LRRC4C: variants seen among roughly 807,000 people sequenced by gnomAD.
LRRC4C encodes the protein leucine rich repeat containing 4C.
In LRRC4C, 5 loss-of-function variants were observed where a neutral mutation model predicts 33.6. That is an observed-to-expected ratio of 0.15 (90% CI 0.08 to 0.31). The LOEUF is 0.31. Ranked by LOEUF, LRRC4C falls within the 10% of genes least tolerant of loss-of-function variation. LRRC4C has a pLI of 1.00. For missense variants in LRRC4C, 560 were observed against 796.7 expected (o/e 0.70, Z 3.58); for synonymous variants, 329 against 302.0 (o/e 1.09, Z -0.93).
intron 5 of LRRC4C, among the ~76,000 whole-genome samples, chr11:40,144,617 T>C (rs563361836): frequency 4.6e-5 from 7 of 152,144 alleles, no homozygotes; most frequent in Non-Finnish European, 8.8e-5. Context: ...ATTTGAAAAA[T>C]TGTTTCATGT....
chr11:41,235,989 G>C (rs993705084), intron 1 of LRRC4C, among the ~76,000 whole-genome samples: 2 of 152,024 alleles, frequency 1.3e-5, no homozygotes, highest in South Asian at 2.1e-4. Flanking sequence ...CATTTTTCAG[G>C]CTTCCCTAGA....
chr11:40,416,364 T>C (rs571010926), intron 3 of LRRC4C, among the ~76,000 whole-genome samples: 104 of 151,948 alleles, frequency 6.8e-4, no homozygotes, highest in Non-Finnish European at 1.3e-3. Flanking sequence ...CAGTAGGGGA[T>C]CAAGATGGGG....
intron 5 of LRRC4C, among the ~76,000 whole-genome samples, chr11:40,220,144 A>G (rs1364077091): frequency 1.3e-5 from 2 of 152,210 alleles, no homozygotes; most frequent in Admixed American, 1.3e-4. Context: ...TTTGTTGCTT[A>G]TAATTGTCCA....
At chr11:41,249,923 A>G (rs904107974) in intron 1 of LRRC4C, among the ~76,000 whole-genome samples, 2 of 152,106 alleles carry the variant, frequency 1.3e-5, no homozygotes, top group African/African-American at 2.4e-5. Context: ...TTGAGTGCAT[A>G]GAATAGTGCC....
At chr11:40,150,988 A>G (rs1031002244) in intron 5 of LRRC4C, among the ~76,000 whole-genome samples, 14 of 152,304 alleles carry the variant, frequency 9.2e-5, no homozygotes, top group African/African-American at 2.2e-4. Context: ...CCTAAATGTC[A>G]TCTGCTTCTG....
At chr11:40,745,580 T>C (rs990947058) in intron 2 of LRRC4C, among the ~76,000 whole-genome samples, 14 of 152,176 alleles carry the variant, frequency 9.2e-5, no homozygotes, top group African/African-American at 3.4e-4. Context: ...TTGAACTATA[T>C]AGAAGGGAAT....
At chr11:41,158,115 C>T (rs1402218670) in intron 1 of LRRC4C, among the ~76,000 whole-genome samples, 1 of 151,964 alleles carries the variant, frequency 6.6e-6, no homozygotes, top group African/African-American at 2.4e-5. Flanking sequence ...ACTTTTATTC[C>T]CACAATAAGC....
chr11:41,450,580 G>A (rs1955985955), intron 1 of LRRC4C, among the ~76,000 whole-genome samples: 1 of 152,092 alleles, frequency 6.6e-6, no homozygotes, highest in Non-Finnish European at 1.5e-5. Flanking sequence ...CAAATCACAA[G>A]TTGTCTATGG....
At chr11:41,237,576 A>T (rs948059395) in intron 1 of LRRC4C, among the ~76,000 whole-genome samples, 1 of 152,172 alleles carries the variant, frequency 6.6e-6, no homozygotes, top group Non-Finnish European at 1.5e-5. Context: ...ATTCCTTAAA[A>T]CTAGTTACCG....
chr11:40,385,018 T>C (rs1013093846), intron 3 of LRRC4C, among the ~76,000 whole-genome samples: 3 of 152,192 alleles, frequency 2.0e-5, no homozygotes, highest in African/African-American at 7.2e-5. Context: ...TTCCAAAAAT[T>C]GGCATAACAA....
chr11:40,394,362 G>A (rs1182536658), intron 3 of LRRC4C, among the ~76,000 whole-genome samples: 1 of 152,118 alleles, frequency 6.6e-6, no homozygotes, highest in Non-Finnish European at 1.5e-5. Context: ...TTTCAGCTAA[G>A]AATTATCTTC....
At chr11:40,536,821 G>C (rs1319560181) in intron 3 of LRRC4C, among the ~76,000 whole-genome samples, 1 of 151,502 alleles carries the variant, frequency 6.6e-6, no homozygotes, top group African/African-American at 2.4e-5. Context: ...CTTCTTTTCT[G>C]TCACTTCTTA....
intron 3 of LRRC4C, among the ~76,000 whole-genome samples, chr11:40,484,510 G>A (rs1257112884): frequency 2.0e-5 from 3 of 151,982 alleles, no homozygotes; most frequent in African/African-American, 4.8e-5. Flanking sequence ...ATAAGGATAC[G>A]TTAGGTAGGA....
At chr11:41,260,896 T>C (rs1459793902) in intron 1 of LRRC4C, among the ~76,000 whole-genome samples, 1 of 152,058 alleles carries the variant, frequency 6.6e-6, no homozygotes, top group Non-Finnish European at 1.5e-5. Context: ...GTATAAGACA[T>C]TATTAGATCT....
chr11:40,701,630 T>C (rs909109617), intron 2 of LRRC4C, among the ~76,000 whole-genome samples: 1 of 148,606 alleles, frequency 6.7e-6, no homozygotes, highest in Non-Finnish European at 1.5e-5. Flanking sequence ...CATATATACA[T>C]GAAATATATA....
intron 3 of LRRC4C, among the ~76,000 whole-genome samples, chr11:40,415,903 G>T (rs567928309): frequency 3.3e-5 from 5 of 152,146 alleles, no homozygotes; most frequent in Admixed American, 1.3e-4. Context: ...AGAATGAAAT[G>T]CATACGCATG....
chr11:40,132,963 A>G (rs1482493284), intron 6 of LRRC4C, among the ~76,000 whole-genome samples: 1 of 152,232 alleles, frequency 6.6e-6, no homozygotes, highest in Non-Finnish European at 1.5e-5. Context: ...TTTTGTTTTC[A>G]TCTAGGTTAA....
At chr11:41,437,722 G>A (rs1955479337) in intron 1 of LRRC4C, among the ~76,000 whole-genome samples, 1 of 152,136 alleles carries the variant, frequency 6.6e-6, no homozygotes, top group South Asian at 2.1e-4. Context: ...TAAAGAGTAT[G>A]TTGGACCTGG....
chr11:40,815,767 T>C (rs1951682715), intron 2 of LRRC4C, among the ~76,000 whole-genome samples: 1 of 152,176 alleles, frequency 6.6e-6, no homozygotes, highest in South Asian at 2.1e-4. Flanking sequence ...CCTTCCTCTT[T>C]AACTCTAGTC....
Sources: allele counts gnomAD v4.1 joint callset (sites outside exome capture counted in the v4.1 genomes callset), GRCh38; gene constraint gnomAD v4.1.1; transcripts MANE v1.5; gene names NCBI Gene and HGNC (gene_info 2026-07-23, HGNC 2026-07-21).